The following PCDHGA4 variants were observed in gnomAD, a reference collection of about 807,000 sequenced individuals.
PCDHGA4 encodes the protein protocadherin gamma subfamily A, 4, also known as protocadherin gamma-A4.
PCDHGA4 carries 38 observed loss-of-function variants against 54.6 expected under a neutral mutation model. The ratio of observed to expected loss-of-function variants is 0.70; its 90% CI spans 0.54 to 0.91. The LOEUF is 0.91. Among genes scored for constraint, PCDHGA4 ranks in the 40% least tolerant of loss-of-function variants. The pLI is 0.00. For missense variants in PCDHGA4, 1,298 were observed against 1,220.9 expected, an observed-to-expected ratio of 1.06 and a Z score of -0.94; for synonymous variants, 511 against 512.9, an observed-to-expected ratio of 1.00 and a Z score of 0.05.
At chr5:141,363,892 G>C (rs1763101718) in intron 1 of PCDHGA4, among the ~76,000 whole-genome samples, 1 of 152,144 alleles carries the variant, frequency 6.6e-6, no homozygotes, top group Non-Finnish European at 1.5e-5. Flanking sequence ...AGGCTCCCCC[G>C]ATGACGCATT....
At chr5:141,362,532 T>C in intron 1 of PCDHGA4, 1 of 1,613,846 alleles carries the variant, frequency 6.2e-7, no homozygotes, top group Non-Finnish European at 8.5e-7. Flanking sequence ...CTGGGGTCCC[T>C]TTTGCCTCAG....
chr5:141,404,330 T>C, intron 1 of PCDHGA4: 1 of 1,613,934 alleles, frequency 6.2e-7, no homozygotes, highest in African/African-American at 1.3e-5. Context: ...CTACTCAGTC[T>C]ACCTCCCGGA....
intron 1 of PCDHGA4, among the ~76,000 whole-genome samples, chr5:141,462,745 TATG>T (rs1249238113): frequency 6.6e-6 from 1 of 152,262 alleles, no homozygotes; most frequent in Non-Finnish European, 1.5e-5. Flanking sequence ...CTGTAATTCC[TATG>T]ATGATTTTCT....
At chr5:141,427,946 T>A (rs769401863) in intron 1 of PCDHGA4, 1 of 1,586,550 alleles carries the variant, frequency 6.3e-7, no homozygotes, top group Middle Eastern at 1.7e-4. Flanking sequence ...GCGACCTCAA[T>A]GACAATGTGC....
chr5:141,460,172 G>T (rs545017378), intron 1 of PCDHGA4, among the ~76,000 whole-genome samples: 1 of 151,852 alleles, frequency 6.6e-6, no homozygotes, highest in South Asian at 2.1e-4. Flanking sequence ...ATATTTTGTG[G>T]ATATTTTATC....
chr5:141,424,880 C>G (rs2096845847), intron 1 of PCDHGA4, among the ~76,000 whole-genome samples: 1 of 152,162 alleles, frequency 6.6e-6, no homozygotes, highest in Admixed American at 6.5e-5. Context: ...GGAAAGGAGA[C>G]TTATCTAGGG....
chr5:141,366,557 G>T lies in PCDHGA4; in HGVS notation c.2514+8936G>T, dbSNP rs376762797. On this transcript the variant is annotated intron_variant, in intron 1 of 3. Transcript: ENST00000571252. Reference sequence around the variant, plus strand: ...TGTGCCCGCCTCGCACTTTGTGGGCGTGGATGGGGTTCGGGCTTTCCTGCA... The same window carrying T: ...TGTGCCCGCCTCGCACTTTGTGGGCTTGGATGGGGTTCGGGCTTTCCTGCA... The T allele has an allele frequency of 3.5e-5, 56 of 1,614,268 alleles. No homozygotes were observed. In the African/African-American group the frequency reaches 4.3e-4, roughly 12 times the overall value.
chr5:141,369,377 GT>G (rs1049592188), intron 1 of PCDHGA4, among the ~76,000 whole-genome samples: 53 of 152,270 alleles, frequency 3.5e-4, no homozygotes, highest in African/African-American at 1.3e-3. Flanking sequence ...CTTTGTAAAA[GT>G]TTTTCATTTG....
intron 1 of PCDHGA4, chr5:141,424,504 G>GT (rs892941709): frequency 6.6e-6 from 1 of 152,016 alleles, no homozygotes; most frequent in African/African-American, 2.4e-5. Context: ...TGTATGGAAG[G>GT]TTTTTTAATG....
chr5:141,357,725 T>TTCTATAAAGCAA, intron 1 of PCDHGA4, 104 bp downstream of exon 1: 9 of 1,394,618 alleles, frequency 6.5e-6, no homozygotes, highest in Middle Eastern at 3.8e-4. Flanking sequence ...GTTGCCTCTT[T>TTCTATAAAGCAA]TAATATTTTA....
intron 1 of PCDHGA4, chr5:141,428,035 A>C (rs776717344): frequency 6.2e-7 from 1 of 1,607,926 alleles, no homozygotes; most frequent in Non-Finnish European, 8.5e-7. Context: ...GAGTCCGGCT[A>C]CCTGGTGACC....
chr5:141,393,574 A>T (rs2092798550), intron 1 of PCDHGA4: 2 of 1,613,798 alleles, frequency 1.2e-6, no homozygotes, highest in Non-Finnish European at 1.7e-6. Context: ...GTCCTTGAGA[A>T]CATGCCCCCA....
At chr5:141,472,855 A>C (rs1179268125) in intron 1 of PCDHGA4, among the ~76,000 whole-genome samples, 3 of 151,078 alleles carry the variant, frequency 2.0e-5, no homozygotes, top group African/African-American at 7.3e-5. Flanking sequence ...GCATGGTGGC[A>C]CATGCCTGTA....
chr5:141,494,751 G>A, intron 1 of PCDHGA4, 56 bp from the exon 2 acceptor site: 2 of 1,613,426 alleles, frequency 1.2e-6, no homozygotes, highest in Non-Finnish European at 8.5e-7. Flanking sequence ...AGGGGCTCGG[G>A]TGACATTCTA....
At chr5:141,423,927 T>G (rs2096791636) in intron 1 of PCDHGA4, 4 of 1,240,434 alleles carry the variant, frequency 3.2e-6, no homozygotes, top group Non-Finnish European at 4.1e-6. Flanking sequence ...TATGCTGGTT[T>G]GGTTTGAAGT....
chr5:141,484,869 G>C (rs2154580238), intron 1 of PCDHGA4: 1 of 292,558 alleles, frequency 3.4e-6, no homozygotes, highest in African/African-American at 2.2e-5. Flanking sequence ...GGGGGAGCGT[G>C]GAGGATAGGG....
chr5:141,455,587 T>C (rs1383947901), intron 1 of PCDHGA4, among the ~76,000 whole-genome samples: 1 of 152,162 alleles, frequency 6.6e-6, no homozygotes, highest in African/African-American at 2.4e-5. Flanking sequence ...CCTTTTAATA[T>C]GCAAACGTAG....
intron 1 of PCDHGA4, among the ~76,000 whole-genome samples, chr5:141,438,149 A>G (rs1441404688): frequency 6.6e-6 from 1 of 152,220 alleles, no homozygotes; most frequent in African/African-American, 2.4e-5. Context: ...TAGCCAGCCT[A>G]TGGCAAAGCT....
rs752796935 is a variant in PCDHGA4, at chr5:141,399,900, C to T, written c.2514+42279C>T. ...TGGTGACCAAGGTAGTGGCCGTGGACGCAGACTCAGGACACAACGCCTGGC... is the reference window on the plus strand; with the variant it reads ...TGGTGACCAAGGTAGTGGCCGTGGATGCAGACTCAGGACACAACGCCTGGC... On this transcript the variant is annotated intron_variant, in intron 1 of 3. Coordinates refer to ENST00000571252, the MANE Select transcript of PCDHGA4 (RefSeq NM_018917.4). The T allele has an allele frequency of 7.4e-6, 12 of 1,612,414 alleles. 1 individual carries two copies. In the South Asian group the frequency reaches 9.9e-5, roughly 13 times the overall value.
Sources: allele counts gnomAD v4.1 joint callset (sites outside exome capture counted in the v4.1 genomes callset), GRCh38; gene constraint gnomAD v4.1.1; transcripts MANE v1.5; gene names NCBI Gene and HGNC (gene_info 2026-07-23, HGNC 2026-07-21).